Variants in TSEN2 observed in about 807,000 individuals in gnomAD.
TSEN2 encodes tRNA-splicing endonuclease subunit Sen2.
In TSEN2, 54 loss-of-function variants were observed where a neutral mutation model predicts 59.2. That is an observed-to-expected ratio of 0.91 (90% CI 0.73 to 1.14). The LOEUF is 1.14. Ranked by LOEUF, TSEN2 falls within the 50% of genes most tolerant of loss-of-function variation. The pLI is 0.00. For missense variants in TSEN2, 636 were observed against 576.2 expected (o/e 1.10, Z -1.06); for synonymous variants, 195 against 198.2 (o/e 0.98, Z 0.14).
intron 8 of TSEN2, among the ~76,000 whole-genome samples, chr3:12,519,713 C>T (rs1379325112): frequency 2.0e-5 from 3 of 152,026 alleles, no homozygotes; most frequent in African/African-American, 7.2e-5. Flanking sequence ...GCCATTGCAC[C>T]CCACCTGGAC....
chr3:12,487,553 G>T (rs2052747059), intron 1 of TSEN2, among the ~76,000 whole-genome samples: 1 of 152,086 alleles, frequency 6.6e-6, no homozygotes, highest in African/African-American at 2.4e-5. Flanking sequence ...CTGAGCAGAG[G>T]TTATAAAAGT....
At chr3:12,528,151 CT>C (rs1164994449) in intron 8 of TSEN2, among the ~76,000 whole-genome samples, 1 of 152,182 alleles carries the variant, frequency 6.6e-6, no homozygotes, top group African/African-American at 2.4e-5. Context: ...TTACCAACCC[CT>C]GTCACAGTAG....
chr3:12,485,148 G>C (rs894322486), intron 1 of TSEN2, among the ~76,000 whole-genome samples: 1 of 152,210 alleles, frequency 6.6e-6, no homozygotes, highest in African/African-American at 2.4e-5. Flanking sequence ...CTAAGCCCAG[G>C]AGGTGCGCAG....
At chr3:12,531,850 C>T (rs913638465) in intron 11 of TSEN2, among the ~76,000 whole-genome samples, 191 bp downstream of exon 11, 1 of 152,208 alleles carries the variant, frequency 6.6e-6, no homozygotes, top group Non-Finnish European at 1.5e-5. Flanking sequence ...CTGACTTCCT[C>T]TATTCCTTAA....
At chr3:12,514,769 C>T (rs2055877593) in intron 6 of TSEN2, 1 of 152,042 alleles carries the variant, frequency 6.6e-6, no homozygotes, top group African/African-American at 2.4e-5. Flanking sequence ...TGACCCCTGC[C>T]CACGGATGAC....
intron 1 of TSEN2, among the ~76,000 whole-genome samples, chr3:12,485,129 C>T (rs2052469592): frequency 6.6e-6 from 1 of 152,198 alleles, no homozygotes; most frequent in South Asian, 2.1e-4. Flanking sequence ...GCCTTTCATC[C>T]TTGCCTCCCT....
intron 4 of TSEN2, among the ~76,000 whole-genome samples, chr3:12,502,790 G>A (rs2054428791): frequency 1.3e-5 from 2 of 148,268 alleles, no homozygotes; most frequent in East Asian, 2.0e-4. Flanking sequence ...AGAAAATGCA[G>A]AGGCCACACG....
chr3:12,503,606 C>G lies in TSEN2; in HGVS notation c.653C>G (p.Pro218Arg). 1 of 1,595,764 alleles carries G rather than the reference C, an allele frequency of 6.3e-7. No individual in the cohort carries two copies. The highest frequency in any genetic ancestry group is 8.5e-7 in the Non-Finnish European group (1 of 1,169,748). The change falls in exon 5 of 12, where the codon CCC becomes CGC. Residue 218 changes from proline (P) to arginine (R), a missense_variant. Pro to Arg is a moderately radical substitution (Grantham distance 103). Coordinates refer to ENST00000284995, the MANE Select transcript of TSEN2 (RefSeq NM_025265.4). ...KSVREDASPL[P>R]HVCCCKQDAL... The stretch of plus-strand genomic sequence containing the variant: ...GTGCGAGAGGATGCCTCACCTCTGC[C>G]CCATGTCTGTTGCTGCAAACAAGAT...
chr3:12,536,376 A>G (rs574892707), downstream of TSEN2, among the ~76,000 whole-genome samples: 1 of 152,260 alleles, frequency 6.6e-6, no homozygotes, highest in South Asian at 2.1e-4. Context: ...TCAGATAGGA[A>G]ACACTGTGGC....
chr3:12,513,822 T>C (rs1475507576), intron 6 of TSEN2, among the ~76,000 whole-genome samples: 3 of 152,228 alleles, frequency 2.0e-5, no homozygotes, highest in African/African-American at 7.2e-5. Context: ...AATAAGATTG[T>C]GGGCCACTTG....
intron 3 of TSEN2, 101 bp downstream of exon 3, chr3:12,492,318 CAT>C (rs2053297050): frequency 2.0e-6 from 2 of 1,014,578 alleles, no homozygotes; most frequent in African/African-American, 3.2e-5. Flanking sequence ...AGAGAAGTAA[CAT>C]GTACACTGGC....
At position 12,519,177 on chromosome 3, in the gene TSEN2, T is replaced by C; in HGVS notation, c.1079T>C (p.Leu360Pro). The change falls in exon 8 of 12, where the codon CTC becomes CCC. Residue 360 changes from leucine to proline, a missense_variant. Physicochemically the swap from Leu to Pro is moderately conservative, Grantham distance 98. Coordinates refer to ENST00000284995, the MANE Select transcript of TSEN2 (RefSeq NM_025265.4). The part of the protein sequence containing the change: ...RSKGWVPKVG[L>P]KYGTDLLLYR... The stretch of plus-strand genomic sequence containing the variant: ...AAGGGCTGGGTGCCCAAAGTGGGAC[T>C]CAAGTACGGGACAGATTTACGTAAG... 6.2e-7 allele frequency: 1 copy of C among 1,614,248 alleles called. No homozygotes were observed.
upstream of TSEN2, among the ~76,000 whole-genome samples, chr3:12,480,710 T>C (rs2052183200): frequency 2.0e-5 from 3 of 151,970 alleles, no homozygotes; most frequent in South Asian, 2.1e-4. Context: ...TATATATTTT[T>C]TTTAGTAGAG....
At chr3:12,498,692 A>G (rs190395710) in intron 4 of TSEN2, among the ~76,000 whole-genome samples, 2 of 152,268 alleles carry the variant, frequency 1.3e-5, no homozygotes, top group African/African-American at 4.8e-5. Flanking sequence ...TTAATTTTTT[A>G]TAAGAAATTT....
chr3:12,494,942 A>G (rs574216570), intron 3 of TSEN2, among the ~76,000 whole-genome samples: 3 of 151,340 alleles, frequency 2.0e-5, no homozygotes, highest in South Asian at 4.2e-4. Context: ...CCTGGCCAAC[A>G]TGGCGAAATC....
chr3:12,535,147 T>C (rs1297226043), downstream of TSEN2, among the ~76,000 whole-genome samples: 2 of 152,332 alleles, frequency 1.3e-5, no homozygotes, highest in East Asian at 3.9e-4. Flanking sequence ...TTCACCCTTG[T>C]GGAGAATTAC....
At chr3:12,506,424 A>G (rs139093516) in intron 6 of TSEN2, among the ~76,000 whole-genome samples, 2 of 152,006 alleles carry the variant, frequency 1.3e-5, no homozygotes, top group South Asian at 2.1e-4. Context: ...GCAAAACCCC[A>G]TCTCTACAAA....
chr3:12,489,432 T>G (rs538839623), intron 1 of TSEN2, among the ~76,000 whole-genome samples: 1 of 152,172 alleles, frequency 6.6e-6, no homozygotes, highest in African/African-American at 2.4e-5. Flanking sequence ...GTTGGGTGAG[T>G]GAAATGGAAG....
At chr3:12,481,716 G>A (rs1244779219), upstream of TSEN2, among the ~76,000 whole-genome samples, 1 of 152,152 alleles carries the variant, frequency 6.6e-6, no homozygotes, top group Non-Finnish European at 1.5e-5. Flanking sequence ...AGAAACACAT[G>A]AAGTGAGGTT....
Sources: gnomAD v4.1 joint callset for allele counts (sites outside exome capture counted in the v4.1 genomes callset) on GRCh38, gnomAD v4.1.1 for gene constraint, MANE v1.5 for transcripts, NCBI Gene and HGNC (gene_info 2026-07-23, HGNC 2026-07-21) for gene names.